Variants in SUCLG2 observed in about 807,000 individuals in gnomAD.
SUCLG2 encodes succinate--CoA ligase [GDP-forming] subunit beta, mitochondrial.
A neutral mutation model predicts 47.9 loss-of-function variants in SUCLG2; 42 were observed. The observed-to-expected ratio is 0.88, with a 90% CI of 0.69 to 1.14. The LOEUF (loss-of-function observed/expected upper bound fraction) is 1.14. Among genes scored for constraint, SUCLG2 ranks in the 50% most tolerant of loss-of-function variants. The pLI is 0.00. For synonymous variants in SUCLG2, 195 were observed against 197.3 expected (o/e 0.99, Z 0.10); for missense variants, 571 against 525.9 (o/e 1.09, Z -0.84).
chr3:67,597,602 T>G (rs777787247), intron 2 of SUCLG2, among the ~76,000 whole-genome samples: 1 of 152,314 alleles, frequency 6.6e-6, no homozygotes, highest in East Asian at 1.9e-4. Context: ...CTCTTGTTCA[T>G]CCTTCATTTA....
chr3:67,593,550 C>T (rs1370620045), intron 2 of SUCLG2, among the ~76,000 whole-genome samples: 1 of 152,212 alleles, frequency 6.6e-6, no homozygotes, highest in South Asian at 2.1e-4. Flanking sequence ...ACCACATCTC[C>T]CGTGTAAACC....
intron 1 of SUCLG2, among the ~76,000 whole-genome samples, chr3:67,628,350 G>C (rs77479794): frequency 2.0e-5 from 3 of 152,198 alleles, no homozygotes. Context: ...GTATAAGATG[G>C]TCAAAGGTAG....
rs59129055 is a variant in SUCLG2, at chr3:67,475,719, CTT to C, written c.1062+20077_1062+20078del. ...CCCATAATTGATTTTCCTTCCCCTC[CTT>C]TTTTTTTTTTGAGAGCGAGATGGAG... On this transcript the variant is annotated intron_variant, in intron 9 of 10. Coordinates refer to ENST00000307227, the MANE Select transcript of SUCLG2 (RefSeq NM_003848.4). Among the ~76,000 whole-genome samples the C allele has an allele frequency of 7.5e-5, 11 of 146,784 alleles. No homozygotes were observed. In the East Asian group the frequency reaches 1.2e-3, roughly 16 times the overall value.
At chr3:67,537,053 TA>T (rs1235601420) in intron 2 of SUCLG2, among the ~76,000 whole-genome samples, 2 of 152,252 alleles carry the variant, frequency 1.3e-5, no homozygotes, top group Non-Finnish European at 2.9e-5. Flanking sequence ...GTATACTTTT[TA>T]AAATTATACT....
chr3:67,495,771 T>C, intron 9 of SUCLG2, 27 bp downstream of exon 9: 1 of 1,611,546 alleles, frequency 6.2e-7, no homozygotes. Flanking sequence ...AACTGGCATA[T>C]AATCTCCCTA....
At chr3:67,485,673 T>A (rs950560906) in intron 9 of SUCLG2, among the ~76,000 whole-genome samples, 1 of 152,200 alleles carries the variant, frequency 6.6e-6, no homozygotes, top group Non-Finnish European at 1.5e-5. Context: ...ACACTTTTAG[T>A]AGGAAATGTA....
intron 1 of SUCLG2, among the ~76,000 whole-genome samples, chr3:67,647,667 G>A (rs1389220448): frequency 1.3e-5 from 2 of 152,208 alleles, no homozygotes; most frequent in Non-Finnish European, 2.9e-5. Flanking sequence ...ACATGTAAAT[G>A]TTTGTGAAAT....
At chr3:67,400,971 T>C in intron 9 of SUCLG2, 120 bp from the exon 10 acceptor site, 3 of 1,432,790 alleles carry the variant, frequency 2.1e-6, no homozygotes, top group Non-Finnish European at 1.9e-6. Context: ...TTTTGTTTTA[T>C]ACAGAGCATA....
intron 1 of SUCLG2, among the ~76,000 whole-genome samples, chr3:67,640,483 T>C (rs1443233088): frequency 6.6e-6 from 1 of 152,184 alleles, no homozygotes; most frequent in Admixed American, 6.5e-5. Flanking sequence ...AGAGATGTGA[T>C]TCACTCCTAA....
chr3:67,584,294 A>G (rs1707955035), intron 2 of SUCLG2, among the ~76,000 whole-genome samples: 1 of 152,216 alleles, frequency 6.6e-6, no homozygotes, highest in African/African-American at 2.4e-5. Context: ...GAAGCTCGAC[A>G]CAAGAGACCA....
intron 2 of SUCLG2, among the ~76,000 whole-genome samples, chr3:67,550,959 G>C (rs1416263635): frequency 6.6e-6 from 1 of 152,186 alleles, no homozygotes; most frequent in Non-Finnish European, 1.5e-5. Context: ...ACAATACTTG[G>C]TGTATACTGG....
chr3:67,508,743 T>A (rs972126500), intron 7 of SUCLG2, 64 bp downstream of exon 7: 11 of 1,271,538 alleles, frequency 8.7e-6, no homozygotes, highest in African/African-American at 1.5e-5. Flanking sequence ...TTTTGTGCAA[T>A]TTATAGTTTG....
chr3:67,397,053 C>T (rs1702548150), intron 10 of SUCLG2, among the ~76,000 whole-genome samples: 2 of 151,256 alleles, frequency 1.3e-5, no homozygotes, highest in Non-Finnish European at 2.9e-5. Flanking sequence ...ATGACAAACC[C>T]ACAGCCAATA....
At chr3:67,460,481 G>A (rs1201562904) in intron 9 of SUCLG2, among the ~76,000 whole-genome samples, 1 of 152,160 alleles carries the variant, frequency 6.6e-6, no homozygotes, top group Admixed American at 6.5e-5. Context: ...ATGGACTTCA[G>A]AGATGGGAAG....
intron 10 of SUCLG2, among the ~76,000 whole-genome samples, chr3:67,385,357 C>T (rs1420036180): frequency 6.6e-6 from 1 of 152,262 alleles, no homozygotes; most frequent in Admixed American, 6.5e-5. Flanking sequence ...AGGCAGCCCA[C>T]TCCTGGGGCA....
chr3:67,481,949 C>G (rs1016240688), intron 9 of SUCLG2, among the ~76,000 whole-genome samples: 1 of 152,138 alleles, frequency 6.6e-6, no homozygotes, highest in Non-Finnish European at 1.5e-5. Flanking sequence ...GAGGCCGAGG[C>G]GGGCGGACCA....
intron 2 of SUCLG2, among the ~76,000 whole-genome samples, chr3:67,602,887 C>T (rs977207153): frequency 1.3e-5 from 2 of 152,046 alleles, no homozygotes. Context: ...AACTAAATTA[C>T]GAAAAAGAAA....
chr3:67,386,044 G>A (rs1401086965), intron 10 of SUCLG2, among the ~76,000 whole-genome samples: 1 of 152,150 alleles, frequency 6.6e-6, no homozygotes, highest in Non-Finnish European at 1.5e-5. Flanking sequence ...CAGTTCTGTG[G>A]ACCATACTCT....
chr3:67,438,112 A>C (rs1295992035), intron 9 of SUCLG2, among the ~76,000 whole-genome samples: 1 of 152,204 alleles, frequency 6.6e-6, no homozygotes, highest in Non-Finnish European at 1.5e-5. Context: ...AAACTGAACA[A>C]CCTGTTCATA....
Sources: gnomAD v4.1 joint callset for allele counts (sites outside exome capture counted in the v4.1 genomes callset) on GRCh38, gnomAD v4.1.1 for gene constraint, MANE v1.5 for transcripts, NCBI Gene and HGNC (gene_info 2026-07-23, HGNC 2026-07-21) for gene names.